The following GFI1B variants were observed in gnomAD, a reference collection of about 807,000 sequenced individuals.
GFI1B encodes the protein zinc finger protein Gfi-1b.
A neutral mutation model predicts 35.3 loss-of-function variants in GFI1B; 20 were observed. The observed-to-expected ratio is 0.57, with a 90% CI of 0.40 to 0.82. The LOEUF is 0.82. Among genes scored for constraint, GFI1B ranks in the 40% least tolerant of loss-of-function variants. The pLI is 0.00. For missense variants in GFI1B, 430 were observed against 446.3 expected (o/e 0.96, Z 0.33); for synonymous variants, 178 against 177.6 (o/e 1.00, Z -0.02).
At chr9:132,992,817 C>T (rs906848206), downstream of GFI1B, among the ~76,000 whole-genome samples, 2 of 152,294 alleles carry the variant, frequency 1.3e-5, no homozygotes, top group Admixed American at 6.5e-5. Flanking sequence ...GCACCCCACC[C>T]CCCATCCCAC....
chr9:132,976,759 C>G (rs1848642061), upstream of GFI1B, among the ~76,000 whole-genome samples: 1 of 152,056 alleles, frequency 6.6e-6, no homozygotes, highest in Non-Finnish European at 1.5e-5. Flanking sequence ...GACTGGACAG[C>G]ATAGCAAGAC....
chr9:132,990,838 C>A, intron 6 of GFI1B, 34 bp from the exon 7 acceptor site: 1 of 1,611,028 alleles, frequency 6.2e-7, no homozygotes, highest in South Asian at 1.1e-5. Flanking sequence ...GGCCCTGACC[C>A]CGCCCTTGCT....
rs149810016 is a variant in GFI1B at position 132,987,359 on chromosome 9, C to A, written c.178C>A (p.Leu60Ile). ...AAACCAGTGCCTGGACTGGACCAACCTCAAACGAGAGCCGGAGCTGGAGCA... is the reference window on the plus strand; with the variant it reads ...AAACCAGTGCCTGGACTGGACCAACATCAAACGAGAGCCGGAGCTGGAGCA... ...FPNQCLDWTN[L>I]KREPELEQDQ... The change falls in exon 3 of 7, where the codon CTC becomes ATC. Residue 60 changes from leucine (L) to isoleucine (I), a missense_variant. Coordinates refer to ENST00000372122, the MANE Select transcript of GFI1B (RefSeq NM_001377304.1). The A allele has an allele frequency of 1.3e-3, 2,028 of 1,614,268 alleles. 31 individuals carry two copies. In the South Asian group the frequency reaches 0.021, roughly 17 times the overall value.
At chr9:132,966,765 G>C (rs562481939) in intron 1 of GFI1B, among the ~76,000 whole-genome samples, 2 of 152,334 alleles carry the variant, frequency 1.3e-5, no homozygotes, top group South Asian at 4.1e-4. Context: ...TCACTAAGGT[G>C]GGACAACCTA....
At chr9:132,981,033 T>C (rs1372667175) in intron 1 of GFI1B, among the ~76,000 whole-genome samples, 2 of 152,144 alleles carry the variant, frequency 1.3e-5, no homozygotes, top group African/African-American at 4.8e-5. Context: ...GTAGCTGGGA[T>C]TACAGGCACC....
upstream of GFI1B, among the ~76,000 whole-genome samples, chr9:132,975,716 G>A (rs1052934909): frequency 1.3e-5 from 2 of 152,196 alleles, no homozygotes; most frequent in South Asian, 2.1e-4. Context: ...GCTGATACAC[G>A]AAAGGTACCT....
chr9:132,982,598 A>C (rs774418316), intron 1 of GFI1B, among the ~76,000 whole-genome samples: 1 of 152,226 alleles, frequency 6.6e-6, no homozygotes, highest in Non-Finnish European at 1.5e-5. Flanking sequence ...AGCTTCTTTC[A>C]TAATCTCTGC....
upstream of GFI1B, among the ~76,000 whole-genome samples, chr9:132,974,730 G>A (rs1037714279): frequency 6.6e-6 from 1 of 152,068 alleles, no homozygotes; most frequent in Non-Finnish European, 1.5e-5. Flanking sequence ...TTAGTTGAAG[G>A]TCAAGGAGGT....
intron 1 of GFI1B, among the ~76,000 whole-genome samples, chr9:132,946,056 A>C (rs1588398903): frequency 6.6e-6 from 1 of 151,768 alleles, no homozygotes; most frequent in Non-Finnish European, 1.5e-5. Context: ...GAAAAATGGC[A>C]CCCCTGGGCT....
At position 132,989,522 on chromosome 9, in the gene GFI1B, G is replaced by T; in HGVS notation, c.649-220G>T. 1.7e-6 allele frequency: 1 copy of T among 603,024 alleles called. No individual in the cohort carries two copies. Among genetic ancestry groups the T allele is most frequent in the South Asian group, 2.0e-5 (1 of 51,246 alleles). The allele number at this position is 603,024 out of a possible 1,614,324, so 37.4% of individuals were successfully genotyped here. A position where few individuals can be genotyped will look rare whatever the true frequency, so the allele number is the denominator to read the frequency against. ...AGTCAATCAACGAACATTTATTGAG[G>T]TTTATTTTGAGCGGGATACCGTGAA... On this transcript the variant is annotated intron_variant, in intron 5 of 6. Transcript: ENST00000372122. This position sits in a 1 kb window ranked among gnomAD's most constrained non-coding sequence, Gnocchi z 6.2.
At chr9:132,965,632 C>T (rs1407346033) in intron 1 of GFI1B, among the ~76,000 whole-genome samples, 1 of 152,142 alleles carries the variant, frequency 6.6e-6, no homozygotes, top group African/African-American at 2.4e-5. Flanking sequence ...AGTGGGAGGC[C>T]CCATGAAGGC....
chr9:132,969,493 T>C (rs79360489), intron 1 of GFI1B, among the ~76,000 whole-genome samples: 2 of 152,194 alleles, frequency 1.3e-5, no homozygotes, highest in Non-Finnish European at 2.9e-5. Flanking sequence ...ATAATAATAC[T>C]CCGTCGTATG....
intron 1 of GFI1B, among the ~76,000 whole-genome samples, chr9:132,984,906 C>A (rs747223758): frequency 6.6e-6 from 1 of 152,164 alleles, no homozygotes; most frequent in Non-Finnish European, 1.5e-5. Flanking sequence ...AGTCCCTGGC[C>A]CTTTTCCAAG....
Position 132,988,247 on chromosome 9 carries a change from G to T in GFI1B, c.289G>T (p.Asp97Tyr). 1.2e-6 allele frequency: 2 copies of T among 1,613,982 alleles called. No individual in the cohort carries two copies. Among genetic ancestry groups the T allele is most frequent in the African/African-American group, 1.3e-5 (1 of 75,020 alleles). ...RPQDGDSPLS[D>Y]SPPFYKPSFS... ...CCAGGATGGGGACTCTCCACTGTCCGACTCACCCCCATTCTACAAGCCTAG... is the reference window on the plus strand; with the variant it reads ...CCAGGATGGGGACTCTCCACTGTCCTACTCACCCCCATTCTACAAGCCTAG... The change falls in exon 4 of 7, where the codon GAC (aspartate) becomes TAC (tyrosine). Residue 97 changes from aspartate to tyrosine, a missense_variant. Physicochemically the swap from Asp to Tyr is radical, Grantham distance 160. Coordinates refer to ENST00000372122, the MANE Select transcript of GFI1B (RefSeq NM_001377304.1).
rs114418238 is a variant in GFI1B, at chr9:132,985,561, G to A, written c.-20-1098G>A. Among the ~76,000 whole-genome samples the A allele has an allele frequency of 5.4e-3, 821 of 152,248 alleles. 9 individuals are homozygous for A. The highest frequency in any genetic ancestry group is 0.019 in the African/African-American group (791 of 41,546). On this transcript the variant is annotated intron_variant, in intron 1 of 6. Transcript: ENST00000372122. ...CTGTCTCTCTAGGGAACAGACTCTG[G>A]GCCAGGGCTGTGGACAAGGCGCAGC...
intron 1 of GFI1B, among the ~76,000 whole-genome samples, chr9:132,986,281 G>A (rs932320997): frequency 3.4e-5 from 5 of 148,118 alleles, no homozygotes; most frequent in African/African-American, 1.1e-4. Flanking sequence ...TAGAAGCTCC[G>A]AGTTCTGGCG....
At chr9:132,986,352 G>T (rs571019162) in intron 1 of GFI1B, among the ~76,000 whole-genome samples, 34 of 151,950 alleles carry the variant, frequency 2.2e-4, no homozygotes, top group African/African-American at 8.0e-4. Flanking sequence ...CTCTGTTGTC[G>T]GCACACGGCG....
At chr9:132,990,032 C>A in intron 6 of GFI1B, 125 bp downstream of exon 6, 1 of 810,662 alleles carries the variant, frequency 1.2e-6, no homozygotes, top group Admixed American at 2.3e-5. Flanking sequence ...AAGGCCACTG[C>A]TGATGGAGGG....
At chr9:132,956,873 CAG>C (rs745385027) in intron 1 of GFI1B, among the ~76,000 whole-genome samples, 25 of 152,172 alleles carry the variant, frequency 1.6e-4, no homozygotes, top group Non-Finnish European at 2.9e-4. Context: ...CAAGGCTTGA[CAG>C]GGGAAGGATG....
Sources: allele counts gnomAD v4.1 joint callset (sites outside exome capture counted in the v4.1 genomes callset), GRCh38; gene constraint gnomAD v4.1.1; non-coding constraint Gnocchi (gnomAD v3.1); transcripts MANE v1.5; gene names NCBI Gene and HGNC (gene_info 2026-07-23, HGNC 2026-07-21).